Variants in ANO2 observed in about 807,000 individuals in gnomAD.
The protein encoded by ANO2 is anoctamin-2.
In ANO2, 101 loss-of-function variants were observed where a neutral mutation model predicts 124.2. That is an observed-to-expected ratio of 0.81 (90% CI 0.69 to 0.96). ANO2 has a LOEUF of 0.96. ANO2 is among the 40% of genes least tolerant of loss of function. The probability of loss-of-function intolerance (pLI) is 0.00; values close to 1 mark genes in which losing one functional copy is unlikely to be tolerated. For missense variants in ANO2, 1,293 were observed against 1,274.5 expected (o/e 1.01, Z -0.22); for synonymous variants, 486 against 482.5 (o/e 1.01, Z -0.09).
At chr12:5,643,796 G>T (rs1382532941) in intron 15 of ANO2, among the ~76,000 whole-genome samples, 1 of 152,068 alleles carries the variant, frequency 6.6e-6, no homozygotes, top group African/African-American at 2.4e-5. Context: ...ATGAGATTGG[G>T]TACCATTTTA....
chr12:5,587,489 A>G (rs10774346), intron 20 of ANO2, among the ~76,000 whole-genome samples: 106,832 of 151,994 alleles, frequency 0.7, 37,667 homozygotes, highest in African/African-American at 0.75. Context: ...TCCTCTCATC[A>G]GCCCTGAGGA....
intron 14 of ANO2, among the ~76,000 whole-genome samples, chr12:5,708,088 A>G (rs139716210): frequency 6.6e-6 from 1 of 152,298 alleles, no homozygotes; most frequent in Non-Finnish European, 1.5e-5. Context: ...ACGCCTTAGT[A>G]AATAAAATCA....
At chr12:5,600,199 CA>C (rs1943869922) in intron 19 of ANO2, among the ~76,000 whole-genome samples, 1 of 139,302 alleles carries the variant, frequency 7.2e-6, no homozygotes, top group South Asian at 2.3e-4. Flanking sequence ...TAAATAAGGT[CA>C]AAAAGGTGGG....
intron 9 of ANO2, among the ~76,000 whole-genome samples, chr12:5,800,371 G>A (rs1336672039): frequency 6.6e-6 from 1 of 152,208 alleles, no homozygotes; most frequent in East Asian, 1.9e-4. Flanking sequence ...TTTGGGTTTT[G>A]AAGGAAGCCA....
intron 10 of ANO2, among the ~76,000 whole-genome samples, chr12:5,797,446 T>G (rs1317556390): frequency 6.6e-6 from 1 of 152,030 alleles, no homozygotes; most frequent in African/African-American, 2.4e-5. Flanking sequence ...TTGGGACCAT[T>G]TGGTAAAAGA....
At chr12:5,581,347 T>C (rs1942748594) in intron 20 of ANO2, among the ~76,000 whole-genome samples, 1 of 152,108 alleles carries the variant, frequency 6.6e-6, no homozygotes, top group Admixed American at 6.5e-5. Context: ...AGGAGACTGA[T>C]GGGGAGGGAG....
chr12:5,875,210 C>T (rs1938010124), intron 3 of ANO2, among the ~76,000 whole-genome samples: 1 of 152,180 alleles, frequency 6.6e-6, no homozygotes, highest in Admixed American at 6.5e-5. Flanking sequence ...AAATGCTTGT[C>T]CTCTTAATGC....
intron 14 of ANO2, among the ~76,000 whole-genome samples, chr12:5,654,551 G>A (rs929497597): frequency 3.9e-5 from 6 of 151,970 alleles, no homozygotes; most frequent in Non-Finnish European, 8.8e-5. Flanking sequence ...CTCTCCTTTG[G>A]GGGGCACACC....
intron 1 of ANO2, among the ~76,000 whole-genome samples, chr12:5,938,699 C>A (rs1424436605): frequency 1.3e-5 from 2 of 152,082 alleles, no homozygotes; most frequent in African/African-American, 4.8e-5. Flanking sequence ...GTGGCAGGCA[C>A]CTGTAATCCC....
At chr12:5,886,510 T>C (rs926930913) in intron 3 of ANO2, among the ~76,000 whole-genome samples, 1 of 152,188 alleles carries the variant, frequency 6.6e-6, no homozygotes, top group Non-Finnish European at 1.5e-5. Flanking sequence ...GTGGCTACAG[T>C]CAACAAAATA....
chr12:5,772,531 C>T (rs567629294), intron 10 of ANO2, among the ~76,000 whole-genome samples: 1 of 152,310 alleles, frequency 6.6e-6, no homozygotes, highest in African/African-American at 2.4e-5. Flanking sequence ...TAATTTTTCG[C>T]TGTAATATGA....
At chr12:5,896,841 T>G (rs552722742) in intron 3 of ANO2, among the ~76,000 whole-genome samples, 1 of 152,338 alleles carries the variant, frequency 6.6e-6, no homozygotes, top group African/African-American at 2.4e-5. Flanking sequence ...GATTTAAAAC[T>G]GGATTAAAAG....
At chr12:5,903,326 C>G (rs962957716) in intron 3 of ANO2, among the ~76,000 whole-genome samples, 17 of 152,114 alleles carry the variant, frequency 1.1e-4, no homozygotes, top group Admixed American at 3.9e-4. Flanking sequence ...CTGATATATG[C>G]CAGGCACTGC....
In ANO2 at chr12:5,832,607, T is replaced by C. The variant is rs775446510; in HGVS notation, c.634-4A>G. Reference sequence around the variant, plus strand: ...CTCCTGCTTTGATCTCGTACATCTATGAAAGGAAGAGCCACAGGTCTGAAA... The same window carrying C: ...CTCCTGCTTTGATCTCGTACATCTACGAAAGGAAGAGCCACAGGTCTGAAA... On this transcript the variant is annotated splice_region_variant and splice_polypyrimidine_tract_variant and intron_variant, in intron 4 of 24. Transcript: ENST00000682330. The C allele has an allele frequency of 3.1e-6, 5 of 1,609,922 alleles. No individual in the cohort carries two copies. The highest frequency in any genetic ancestry group is 1.7e-5 in the Admixed American group (1 of 59,406).
rs1425220734 is a variant in ANO2 at position 5,921,317 on chromosome 12, CG to C, written c.256del (p.Arg86ValfsTer81). ...GTCATGGAAGTGCATGCGGCTAAGA[CG>C]GGCCTCCAAGGACACAGGCTCATTG... ...DANEPVSLEA[R>X]LSRMHFHDSQ... On this transcript the variant is annotated frameshift_variant, in exon 3 of 25. Coordinates refer to ENST00000682330, the MANE Select transcript of ANO2 (RefSeq NM_001364791.2). LOFTEE classifies it high-confidence loss of function. 6.2e-7 allele frequency: 1 copy of C among 1,613,846 alleles called. No individual in the cohort carries two copies. Among genetic ancestry groups the C allele is most frequent in the Admixed American group, 1.7e-5 (1 of 59,996 alleles).
At chr12:5,663,465 G>A (rs1947544843) in intron 14 of ANO2, among the ~76,000 whole-genome samples, 1 of 152,170 alleles carries the variant, frequency 6.6e-6, no homozygotes, top group Non-Finnish European at 1.5e-5. Context: ...GCTGAATACA[G>A]CAGTATGTGC....
chr12:5,640,294 C>T (rs943477684), intron 15 of ANO2, among the ~76,000 whole-genome samples: 7 of 152,156 alleles, frequency 4.6e-5, no homozygotes, highest in East Asian at 1.9e-4. Context: ...ATGAGAGATA[C>T]GGTAGGTGTC....
At chr12:5,675,824 T>C (rs2361593) in intron 14 of ANO2, among the ~76,000 whole-genome samples, 68,560 of 152,114 alleles carry the variant, frequency 0.45, 17,017 homozygotes, top group Middle Eastern at 0.61. Flanking sequence ...TGTGGCCATT[T>C]GTGCAACTCA....
chr12:5,566,423 A>G (rs1461489732), intron 23 of ANO2, among the ~76,000 whole-genome samples: 1 of 152,134 alleles, frequency 6.6e-6, no homozygotes, highest in Admixed American at 6.5e-5. Context: ...TCCCAGAATG[A>G]TTCATGTGAA....
Sources: allele counts gnomAD v4.1 joint callset (sites outside exome capture counted in the v4.1 genomes callset), GRCh38; gene constraint gnomAD v4.1.1; transcripts MANE v1.5; gene names NCBI Gene and HGNC (gene_info 2026-07-23, HGNC 2026-07-21).